Variants in NAV2 observed in about 807,000 individuals in gnomAD.
The protein encoded by NAV2 is neuron navigator 2.
In NAV2, 54 loss-of-function variants were observed where a neutral mutation model predicts 223.2. That is an observed-to-expected ratio of 0.24 (90% CI 0.19 to 0.30). The LOEUF (loss-of-function observed/expected upper bound fraction) is 0.30. NAV2 is among the 10% of genes least tolerant of loss of function. The pLI, the probability that NAV2 is intolerant of heterozygous loss-of-function variation, is 1.00. For missense variants in NAV2, 2,806 were observed against 3,147.5 expected, an observed-to-expected ratio of 0.89 and a Z score of 2.60; for synonymous variants, 1,279 against 1,239.3, an observed-to-expected ratio of 1.03 and a Z score of -0.67.
intron 1 of NAV2, among the ~76,000 whole-genome samples, chr11:19,667,808 G>A (rs1167502180): frequency 2.0e-5 from 3 of 152,182 alleles, no homozygotes; most frequent in Non-Finnish European, 4.4e-5. Flanking sequence ...CAGTGTCATG[G>A]TTAAAACAAC....
chr11:19,406,885 A>G lies in NAV2; in HGVS notation c.75+55858A>G, dbSNP rs180670994. On this transcript the variant is annotated intron_variant, in intron 1 of 37. Transcript: ENST00000360655. ...ATTCTCTCTCACCTCTCTGACTCCA[A>G]ACTTCTGGGCCACACACCAAATGCC... Among the ~76,000 whole-genome samples the G allele has an allele frequency of 1.2e-4, 19 of 152,170 alleles. No homozygotes were observed. The East Asian group carries it at 3.5e-3, about 28-fold the overall frequency.
At chr11:19,880,903 C>T (rs1201047051) in intron 5 of NAV2, among the ~76,000 whole-genome samples, 2 of 152,198 alleles carry the variant, frequency 1.3e-5, no homozygotes, top group Admixed American at 6.5e-5. Context: ...TCAAGTTCTA[C>T]AGAAAAGTTC....
At chr11:19,988,029 C>T (rs2050954925) in intron 11 of NAV2, among the ~76,000 whole-genome samples, 2 of 152,200 alleles carry the variant, frequency 1.3e-5, no homozygotes, top group Non-Finnish European at 2.9e-5. Context: ...GAACTCCTGC[C>T]AGTTCCTACA....
intron 1 of NAV2, among the ~76,000 whole-genome samples, chr11:19,546,218 C>G (rs1034145348): frequency 1.3e-5 from 2 of 152,206 alleles, no homozygotes; most frequent in Non-Finnish European, 2.9e-5. Flanking sequence ...TGTGGGGTCT[C>G]GAGCAAGGCC....
intron 1 of NAV2, among the ~76,000 whole-genome samples, chr11:19,501,935 T>C (rs2042975873): frequency 6.6e-6 from 1 of 152,174 alleles, no homozygotes; most frequent in Non-Finnish European, 1.5e-5. Flanking sequence ...CAACTGGATA[T>C]AAAGCAGTTA....
rs145777067 is a variant in NAV2 at position 19,933,368 on chromosome 11, C to T, written c.1124C>T (p.Ser375Leu). 114 of 1,593,180 alleles carry T rather than the reference C, an allele frequency of 7.2e-5. 1 individual carries two copies. In the African/African-American group the frequency reaches 7.5e-4, roughly 11 times the overall value. The change falls in exon 7 of 38, where the codon TCG (serine) becomes TTG (leucine). Residue 375 changes from serine to leucine, a missense_variant. Around this residue, in one of 4 missense-constraint regions of NAV2, gnomAD observed 1,167 missense variants for 1,180.5 expected, o/e 0.99. Coordinates refer to ENST00000349880, the MANE Select transcript of NAV2 (RefSeq NM_145117.5). The surrounding 1 kb of genome is among the most constrained non-coding windows in gnomAD (Gnocchi z 4.3). ...VKHSATVSML[S>L]VKPPGPEAPR... Reference sequence around the variant, plus strand: ...CACAGTGCCACGGTATCCATGCTCTCGGTCAAGCCTCCTGGGCCTGAGGCC... The same window carrying T: ...CACAGTGCCACGGTATCCATGCTCTTGGTCAAGCCTCCTGGGCCTGAGGCC...
At chr11:19,860,088 A>G (rs2061641233) in intron 3 of NAV2, among the ~76,000 whole-genome samples, 2 of 114,468 alleles carry the variant, frequency 1.7e-5, no homozygotes, top group African/African-American at 3.5e-5. Flanking sequence ...GGCCGGGCAG[A>G]GGGGCTCCTC....
chr11:19,668,852 C>A (rs79547272), intron 1 of NAV2, among the ~76,000 whole-genome samples: 2,890 of 152,248 alleles, frequency 0.019, 84 homozygotes, highest in African/African-American at 0.066. Flanking sequence ...AGTTAGCCTG[C>A]TGTCTAGGCA....
At chr11:20,094,223 CTTTTTTTTT>C (rs61099684) in intron 29 of NAV2, among the ~76,000 whole-genome samples, 4 of 88,498 alleles carry the variant, frequency 4.5e-5, no homozygotes, top group Admixed American at 1.5e-4. Context: ...TTTTCTTTAT[CTTTTTTTTT>C]TTTTTTTTTT....
At chr11:19,872,585 C>T (rs916359638) in intron 4 of NAV2, among the ~76,000 whole-genome samples, 1 of 152,260 alleles carries the variant, frequency 6.6e-6, no homozygotes, top group Non-Finnish European at 1.5e-5. Flanking sequence ...GGCTCCTTCT[C>T]TGATGAAGAA....
intron 1 of NAV2, among the ~76,000 whole-genome samples, chr11:19,378,849 A>T (rs1848734843): frequency 1.3e-5 from 2 of 151,926 alleles, no homozygotes; most frequent in Admixed American, 1.3e-4. Flanking sequence ...CCCCGCTCTG[A>T]GCTCCCTGAG....
chr11:19,532,682 T>C (rs984503286), intron 1 of NAV2, among the ~76,000 whole-genome samples: 1 of 152,320 alleles, frequency 6.6e-6, no homozygotes, highest in African/African-American at 2.4e-5. Flanking sequence ...TTTCAGGCCA[T>C]TGGCTTAAAG....
intron 1 of NAV2, among the ~76,000 whole-genome samples, chr11:19,587,775 C>T (rs1191740929): frequency 6.6e-6 from 1 of 152,166 alleles, no homozygotes; most frequent in African/African-American, 2.4e-5. Flanking sequence ...ATAACACAAG[C>T]TTCTATAACA....
intron 1 of NAV2, among the ~76,000 whole-genome samples, chr11:19,742,751 G>A (rs2052963541): frequency 6.6e-6 from 1 of 152,202 alleles, no homozygotes; most frequent in East Asian, 1.9e-4. Flanking sequence ...AGCCACCTCT[G>A]CCCTTGTCCA....
intron 1 of NAV2, among the ~76,000 whole-genome samples, chr11:19,394,547 A>G (rs1849375419): frequency 6.7e-6 from 1 of 149,950 alleles, no homozygotes; most frequent in Admixed American, 6.6e-5. Flanking sequence ...CTCAGAGCTT[A>G]GAGTCTTGTG....
At chr11:19,983,209 G>A (rs1001379292) in intron 10 of NAV2, among the ~76,000 whole-genome samples, 5 of 152,082 alleles carry the variant, frequency 3.3e-5, no homozygotes, top group African/African-American at 1.2e-4. Context: ...GTAGATATGA[G>A]GTACAGCTGC....
intron 1 of NAV2, among the ~76,000 whole-genome samples, chr11:19,526,558 TGAA>T (rs779066072): frequency 5.9e-5 from 9 of 152,232 alleles, no homozygotes; most frequent in Admixed American, 2.0e-4. Context: ...CAGGATTGGA[TGAA>T]GAAGAAGGGG....
intron 1 of NAV2, among the ~76,000 whole-genome samples, chr11:19,606,557 C>T (rs1175128713): frequency 6.6e-6 from 1 of 152,202 alleles, no homozygotes; most frequent in Non-Finnish European, 1.5e-5. Flanking sequence ...GTCCCAGCTC[C>T]TTGCCTTTCC....
In NAV2 at chr11:19,987,298, C is replaced by T. The variant is rs575053019; in HGVS notation, c.2768+3051C>T. 2.6e-5 allele frequency among the ~76,000 whole-genome samples: 4 copies of T among 152,280 alleles called. No homozygotes were observed. In the South Asian group the frequency reaches 8.3e-4, roughly 32 times the overall value. ...TTGACCCGAATTCTTTCCTTTAAAC[C>T]TGAAAATCGAAGGTCCCAGAGCTAA... On this transcript the variant is annotated intron_variant, in intron 11 of 37. Coordinates refer to ENST00000349880, the MANE Select transcript of NAV2 (RefSeq NM_145117.5).
Sources: allele counts gnomAD v4.1 joint callset (sites outside exome capture counted in the v4.1 genomes callset), GRCh38; gene constraint gnomAD v4.1.1; regional missense constraint gnomAD v4.1.1; non-coding constraint Gnocchi (gnomAD v3.1); transcripts MANE v1.5; gene names NCBI Gene and HGNC (gene_info 2026-07-23, HGNC 2026-07-21).